CHODL: variants seen among roughly 807,000 people sequenced by gnomAD.
CHODL encodes transmembrane protein MT75.
CHODL carries 29 observed loss-of-function variants against 34.5 expected under a neutral mutation model. The observed-to-expected ratio is 0.84, with a 90% CI of 0.63 to 1.15. CHODL has a LOEUF of 1.15. Among genes scored for constraint, CHODL ranks in the 50% most tolerant of loss-of-function variants. CHODL has a pLI of 0.00. For missense variants in CHODL, 332 were observed against 332.5 expected, an observed-to-expected ratio of 1.00 and a Z score of 0.01; for synonymous variants, 125 against 116.1, an observed-to-expected ratio of 1.08 and a Z score of -0.49.
At chr21:17,934,054 A>T (rs2063299207) in intron 1 of CHODL, among the ~76,000 whole-genome samples, 1 of 151,846 alleles carries the variant, frequency 6.6e-6, no homozygotes, top group Non-Finnish European at 1.5e-5. Flanking sequence ...GAAAAAAAAA[A>T]AAAGAAATAG....
intron 2 of CHODL, among the ~76,000 whole-genome samples, chr21:18,221,179 G>C: frequency 6.6e-6 from 1 of 152,070 alleles, no homozygotes; most frequent in East Asian, 1.9e-4. Context: ...TTTTGTTGAA[G>C]CTCTCAATTG....
chr21:18,264,122 G>A (rs1056287558), intron 5 of CHODL, among the ~76,000 whole-genome samples: 1 of 152,082 alleles, frequency 6.6e-6, no homozygotes, highest in Non-Finnish European at 1.5e-5. Flanking sequence ...TAATGGTCAG[G>A]TGTGTTTAGA....
At chr21:18,107,415 A>G (rs1339732261) in intron 2 of CHODL, among the ~76,000 whole-genome samples, 1 of 152,198 alleles carries the variant, frequency 6.6e-6, no homozygotes, top group Admixed American at 6.5e-5. Flanking sequence ...GCAGGGGGGA[A>G]AGGCAAATCT....
At chr21:18,069,487 TAA>T (rs1297019245) in intron 2 of CHODL, among the ~76,000 whole-genome samples, 1 of 151,860 alleles carries the variant, frequency 6.6e-6, no homozygotes, top group Non-Finnish European at 1.5e-5. Context: ...TATACATATA[TAA>T]AGTCTGTATA....
At chr21:17,964,831 G>A (rs1215406220) in intron 1 of CHODL, among the ~76,000 whole-genome samples, 2 of 152,158 alleles carry the variant, frequency 1.3e-5, no homozygotes, top group African/African-American at 2.4e-5. Flanking sequence ...TAACCAGATA[G>A]CTGCCAATAG....
At chr21:18,260,332 C>T in intron 4 of CHODL, 46 bp downstream of exon 4, 1 of 1,182,292 alleles carries the variant, frequency 8.5e-7, no homozygotes, top group Non-Finnish European at 1.2e-6. Flanking sequence ...CTGAACTGTA[C>T]TTTCAAACGC....
chr21:18,134,070 G>A (rs2072691235), intron 2 of CHODL, among the ~76,000 whole-genome samples: 1 of 152,110 alleles, frequency 6.6e-6, no homozygotes, highest in African/African-American at 2.4e-5. Flanking sequence ...ATTTTTCTAA[G>A]CACGATATAC....
At chr21:18,034,966 T>G (rs1023432654) in intron 2 of CHODL, among the ~76,000 whole-genome samples, 2 of 151,988 alleles carry the variant, frequency 1.3e-5, no homozygotes, top group African/African-American at 4.8e-5. Context: ...GTTATCAGAC[T>G]CCCAGTGCAT....
intron 2 of CHODL, among the ~76,000 whole-genome samples, chr21:18,129,105 T>C (rs1006485254): frequency 1.3e-5 from 2 of 152,166 alleles, no homozygotes; most frequent in Non-Finnish European, 2.9e-5. Context: ...TGTCACTTGC[T>C]GTATATTCTG....
intron 2 of CHODL, among the ~76,000 whole-genome samples, chr21:18,221,067 AG>A (rs1474055196): frequency 6.6e-6 from 1 of 152,138 alleles, no homozygotes; most frequent in Non-Finnish European, 1.5e-5. Flanking sequence ...TGTGTCACAT[AG>A]GTTTTCTTCA....
intron 4 of CHODL, among the ~76,000 whole-genome samples, chr21:18,261,641 G>C (rs1029847278): frequency 6.6e-6 from 1 of 152,038 alleles, no homozygotes; most frequent in African/African-American, 2.4e-5. Context: ...ACTCTGGCCT[G>C]GGAGACAGAG....
At chr21:18,188,228 A>G (rs573574264) in intron 2 of CHODL, among the ~76,000 whole-genome samples, 57 of 152,156 alleles carry the variant, frequency 3.7e-4, no homozygotes, top group African/African-American at 1.3e-3. Flanking sequence ...TCATCCCAAA[A>G]GTTACTGTAA....
At chr21:17,947,054 T>C (rs2063415918) in intron 1 of CHODL, among the ~76,000 whole-genome samples, 1 of 152,128 alleles carries the variant, frequency 6.6e-6, no homozygotes, top group Non-Finnish European at 1.5e-5. Flanking sequence ...TACAGATAAA[T>C]TATTAATACT....
chr21:18,071,539 A>G (rs955749654), intron 2 of CHODL, among the ~76,000 whole-genome samples: 1 of 151,972 alleles, frequency 6.6e-6, no homozygotes, highest in African/African-American at 2.4e-5. Flanking sequence ...CTAAGAGACA[A>G]TTATTTCATT....
intron 1 of CHODL, among the ~76,000 whole-genome samples, chr21:17,995,969 A>G (rs2063845449): frequency 6.6e-6 from 1 of 152,158 alleles, no homozygotes; most frequent in Non-Finnish European, 1.5e-5. Context: ...CAATATGATC[A>G]CTCAATTATC....
chr21:18,101,615 A>G (rs1300063685), intron 2 of CHODL, among the ~76,000 whole-genome samples: 1 of 152,160 alleles, frequency 6.6e-6, no homozygotes, highest in Non-Finnish European at 1.5e-5. Flanking sequence ...ATGTGTCATT[A>G]TAACATAATT....
chr21:17,955,156 A>G (rs796967653), intron 1 of CHODL, among the ~76,000 whole-genome samples: 5 of 136,194 alleles, frequency 3.7e-5, no homozygotes, highest in African/African-American at 1.2e-4. Context: ...TTTACCTTCA[A>G]TGTTGACCAA....
chr21:18,154,311 A>G (rs1291194375), intron 2 of CHODL, among the ~76,000 whole-genome samples: 2 of 152,168 alleles, frequency 1.3e-5, no homozygotes, highest in Non-Finnish European at 2.9e-5. Context: ...TCACACCTGT[A>G]ACAGGGACAC....
intron 2 of CHODL, among the ~76,000 whole-genome samples, chr21:18,194,759 T>G (rs1202552605): frequency 6.6e-6 from 1 of 152,130 alleles, no homozygotes; most frequent in East Asian, 1.9e-4. Context: ...CATTTTTCGT[T>G]GTGGGAAATT....
Sources: gnomAD v4.1 joint callset for allele counts (sites outside exome capture counted in the v4.1 genomes callset) on GRCh38, gnomAD v4.1.1 for gene constraint, MANE v1.5 for transcripts, NCBI Gene and HGNC (gene_info 2026-07-23, HGNC 2026-07-21) for gene names.